GRIP1: variants seen among roughly 807,000 people sequenced by gnomAD.
The protein encoded by GRIP1 is glutamate receptor interacting protein 1, also known as glutamate receptor-interacting protein 1.
In GRIP1, 45 loss-of-function variants were observed where a neutral mutation model predicts 129.9. That is an observed-to-expected ratio of 0.35 (90% confidence interval 0.27 to 0.44). GRIP1 has a LOEUF of 0.44. Among genes scored for constraint, GRIP1 ranks in the 20% least tolerant of loss-of-function variants. GRIP1 has a pLI of 1.00. For missense variants in GRIP1, 1,196 were observed against 1,396.8 expected (o/e 0.86, Z 2.29); for synonymous variants, 530 against 520.8 (o/e 1.02, Z -0.24).
intron 7 of GRIP1, 66 bp downstream of exon 7, chr12:66,515,553 G>T: frequency 7.1e-7 from 1 of 1,403,482 alleles, no homozygotes; most frequent in Non-Finnish European, 1.0e-6. Flanking sequence ...AATCCAACAT[G>T]GTTTATCAGG....
In GRIP1 at chr12:66,456,094, A is replaced by G. The variant is rs1370054798; in HGVS notation, c.1198+93T>C. 1.6e-5 allele frequency: 12 copies of G among 746,382 alleles called. 1 individual carries two copies. Among genetic ancestry groups the G allele is most frequent in the African/African-American group, 3.6e-5 (2 of 54,952 alleles). The allele number at this position is 746,382 out of a possible 1,614,324, so 46.2% of individuals were successfully genotyped here. ...AATTGCTACTATAAGAAACAGAAAA[A>G]ACAACATCCATGAAGCCAAAGATGA... is the stretch of plus-strand genomic sequence containing the variant. On this transcript the variant is annotated intron_variant, in intron 10 of 24. Coordinates refer to ENST00000359742, the MANE Select transcript of GRIP1 (RefSeq NM_001366722.1).
rs547075678 is a variant in GRIP1, at chr12:66,385,824, G to A, written c.2465-6388C>T. 3.5e-4 allele frequency among the ~76,000 whole-genome samples: 53 copies of A among 152,212 alleles called. No individual in the cohort carries two copies. The South Asian group carries it at 7.1e-3, about 20-fold the overall frequency. ...AGGGTTTCACCATGTTGGCCAGGCT[G>A]ATTTCGAACTCCTGACTTCAAGTGA... is the stretch of plus-strand genomic sequence containing the variant. On this transcript the variant is annotated intron_variant, in intron 19 of 24. Transcript: ENST00000359742.
intron 1 of GRIP1, among the ~76,000 whole-genome samples, chr12:67,044,819 G>T (rs773073316): frequency 2.6e-5 from 4 of 152,106 alleles, no homozygotes; most frequent in Non-Finnish European, 4.4e-5. Flanking sequence ...CAATGCTTTT[G>T]CAATGTACTA....
chr12:66,859,502 GA>G (rs1168999405), intron 1 of GRIP1, among the ~76,000 whole-genome samples: 6 of 151,482 alleles, frequency 4.0e-5, no homozygotes, highest in African/African-American at 9.7e-5. Context: ...AATACAAGTA[GA>G]AAAAAAAGTG....
chr12:66,883,381 C>G lies in GRIP1; in HGVS notation c.58+185669G>C, dbSNP rs186878546. 3.0e-3 allele frequency among the ~76,000 whole-genome samples: 449 copies of G among 152,128 alleles called. 3 individuals carry two copies. Among genetic ancestry groups the G allele is most frequent in the Non-Finnish European group, 5.3e-3 (359 of 68,016 alleles). On this transcript the variant is annotated intron_variant, in intron 1 of 1. Coordinates refer to the GRIP1 transcript ENST00000643019. ...TTTTCACAGTACCCATCAAAATACC[C>G]AACCCATGGTGCTCAATAAATCTAT...
chr12:66,496,416 G>A (rs1000296882), intron 7 of GRIP1, among the ~76,000 whole-genome samples: 4 of 152,154 alleles, frequency 2.6e-5, no homozygotes, highest in East Asian at 3.8e-4. Context: ...CTTCTACCAT[G>A]TAGACTCATA....
intron 1 of GRIP1, among the ~76,000 whole-genome samples, chr12:66,849,607 C>T (rs77602723): frequency 6.6e-6 from 1 of 152,062 alleles, no homozygotes; most frequent in African/African-American, 2.4e-5. Flanking sequence ...CAGAGCATGA[C>T]CCTGTCTCAA....
At chr12:67,024,325 C>A (rs1029941318) in intron 1 of GRIP1, among the ~76,000 whole-genome samples, 7 of 152,094 alleles carry the variant, frequency 4.6e-5, no homozygotes, top group Non-Finnish European at 1.0e-4. Context: ...AGGAAGAACA[C>A]AGGCAAGGAT....
At chr12:66,515,474 C>G in intron 7 of GRIP1, 145 bp downstream of exon 7, 2 of 821,760 alleles carry the variant, frequency 2.4e-6, no homozygotes, top group Non-Finnish European at 4.2e-6. Context: ...TTCCTGAACT[C>G]AAACAGAGTA....
At chr12:67,006,645 T>C (rs1336393200) in intron 1 of GRIP1, among the ~76,000 whole-genome samples, 2 of 152,166 alleles carry the variant, frequency 1.3e-5, no homozygotes, top group South Asian at 2.1e-4. Context: ...CTGAGGGTAA[T>C]TTCTAATGCA....
At chr12:66,564,626 C>G (rs2139433056) in intron 2 of GRIP1, among the ~76,000 whole-genome samples, 1 of 152,182 alleles carries the variant, frequency 6.6e-6, no homozygotes, top group Admixed American at 6.5e-5. Flanking sequence ...ATTTATAATC[C>G]TTTGGGTATA....
rs147138117 is a variant in GRIP1, at chr12:66,605,612, T to A, written c.56-8685A>T. ...ATGTTTGATTATTGAGAAATTAGCCTTTAATGCTCTCACCTGTTGCTCTGA... is the reference window on the plus strand; with the variant it reads ...ATGTTTGATTATTGAGAAATTAGCCATTAATGCTCTCACCTGTTGCTCTGA... On this transcript the variant is annotated intron_variant, in intron 1 of 24. Coordinates refer to ENST00000359742, the MANE Select transcript of GRIP1 (RefSeq NM_001366722.1). Among the ~76,000 whole-genome samples, 14 of 152,296 alleles carry A rather than the reference T, an allele frequency of 9.2e-5. No homozygotes were observed. In the East Asian group the frequency reaches 2.7e-3, roughly 30 times the overall value.
chr12:66,676,501 T>C (rs1009977522), intron 1 of GRIP1, among the ~76,000 whole-genome samples: 1 of 152,172 alleles, frequency 6.6e-6, no homozygotes, highest in Non-Finnish European at 1.5e-5. Context: ...AAGCATTTCC[T>C]AAGAGCTCAC....
chr12:66,793,597 G>A (rs934592728), intron 1 of GRIP1, among the ~76,000 whole-genome samples: 1 of 152,154 alleles, frequency 6.6e-6, no homozygotes, highest in South Asian at 2.1e-4. Flanking sequence ...AGCATGTTGC[G>A]TTTGCTGCTT....
chr12:66,745,875 G>C (rs2036929634), intron 1 of GRIP1, among the ~76,000 whole-genome samples: 1 of 152,194 alleles, frequency 6.6e-6, no homozygotes, highest in South Asian at 2.1e-4. Context: ...AAGCGGCAAA[G>C]CCAGGTCACT....
intron 1 of GRIP1, among the ~76,000 whole-genome samples, chr12:66,686,773 C>T (rs2136299714): frequency 6.6e-6 from 1 of 152,288 alleles, no homozygotes; most frequent in Admixed American, 6.5e-5. Flanking sequence ...AAACAAACTA[C>T]AAAGCCAGGC....
At chr12:66,550,876 G>T (rs933736803) in intron 2 of GRIP1, among the ~76,000 whole-genome samples, 4 of 152,154 alleles carry the variant, frequency 2.6e-5, no homozygotes, top group African/African-American at 9.7e-5. Flanking sequence ...ACATTTAAAT[G>T]TAAGAGTTGA....
intron 3 of GRIP1, among the ~76,000 whole-genome samples, chr12:66,541,088 T>A (rs2061766641): frequency 6.6e-6 from 1 of 152,198 alleles, no homozygotes. Flanking sequence ...GTGCTGGGAT[T>A]ACAGGCATGA....
intron 1 of GRIP1, among the ~76,000 whole-genome samples, chr12:67,000,590 T>C (rs1206739208): frequency 6.6e-6 from 1 of 152,258 alleles, no homozygotes; most frequent in Non-Finnish European, 1.5e-5. Context: ...TAGATTGTTC[T>C]GTCTCCTCAC....
Sources: gnomAD v4.1 joint callset for allele counts (sites outside exome capture counted in the v4.1 genomes callset) on GRCh38, gnomAD v4.1.1 for gene constraint, MANE v1.5 for transcripts, NCBI Gene and HGNC (gene_info 2026-07-23, HGNC 2026-07-21) for gene names.